The following ROCK2 variants were observed in gnomAD, a reference collection of about 807,000 sequenced individuals.
The protein encoded by ROCK2 is Rho associated coiled-coil containing protein kinase 2.
In ROCK2, 61 loss-of-function variants were observed where a neutral mutation model predicts 195.1. The observed-to-expected ratio is 0.31, with a 90% CI of 0.25 to 0.39. ROCK2 has a LOEUF of 0.39. Ranked by LOEUF, ROCK2 falls within the 10% of genes least tolerant of loss-of-function variation. The pLI, the probability that ROCK2 is intolerant of heterozygous loss-of-function variation, is 1.00. For missense variants in ROCK2, 1,109 were observed against 1,637.4 expected (o/e 0.68, Z 5.57); for synonymous variants, 504 against 545.5 (o/e 0.92, Z 1.06).
intron 23 of ROCK2, 107 bp from the exon 24 acceptor site, chr2:11,198,881 T>TTA: frequency 2.9e-5 from 18 of 631,344 alleles, no homozygotes; most frequent in Non-Finnish European, 4.5e-5. Context: ...CCTCTTATTT[T>TTA]TCTTTTTTTT....
At chr2:11,332,574 T>C (rs988903991) in intron 1 of ROCK2, among the ~76,000 whole-genome samples, 12 of 152,204 alleles carry the variant, frequency 7.9e-5, no homozygotes, top group African/African-American at 2.9e-4. Context: ...ATGGCTATAA[T>C]TACAATGACA....
At chr2:11,233,252 CTTAT>C (rs1037149562) in intron 5 of ROCK2, among the ~76,000 whole-genome samples, 10 of 152,034 alleles carry the variant, frequency 6.6e-5, no homozygotes, top group African/African-American at 2.4e-4. Context: ...TTTTACAAAT[CTTAT>C]TTATTTTTTT....
At chr2:11,271,810 A>G (rs1413209039) in intron 3 of ROCK2, among the ~76,000 whole-genome samples, 9 of 151,886 alleles carry the variant, frequency 5.9e-5, no homozygotes, top group East Asian at 1.9e-4. Flanking sequence ...GGCGGATCAC[A>G]AGGTCAGGAG....
In ROCK2 at chr2:11,214,437, A is replaced by C; in HGVS notation, c.1963T>G (p.Leu655Val). 6.2e-7 allele frequency: 1 copy of C among 1,609,360 alleles called. No individual in the cohort carries two copies. Among genetic ancestry groups the C allele is most frequent in the Non-Finnish European group, 8.5e-7 (1 of 1,176,364 alleles). Residue 655 changes from leucine to valine, a missense_variant, in exon 17 of 33, where the codon TTA (leucine) becomes GTA (valine). Transcript: ENST00000315872. Reference sequence around the variant, plus strand: ...GCTAGTAAGATTTTGCCGTTCTTTAAATCTTCTTCTAGGCCACATATTCTA... The same window carrying C: ...GCTAGTAAGATTTTGCCGTTCTTTACATCTTCTTCTAGGCCACATATTCTA... ...QGRICGLEED[L>V]KNGKILLAKV...
chr2:11,235,996 A>G lies in ROCK2; in HGVS notation c.463-34T>C, dbSNP rs747566978. 1 of 1,452,700 alleles carries G rather than the reference A, an allele frequency of 6.9e-7. No individual in the cohort carries two copies. The highest frequency in any genetic ancestry group is 9.1e-7 in the Non-Finnish European group (1 of 1,099,632). The allele number at this position is 1,452,700 out of a possible 1,614,324, so 90.0% of individuals were successfully genotyped here. On this transcript the variant is annotated intron_variant, in intron 4 of 32. Coordinates refer to ENST00000315872, the MANE Select transcript of ROCK2 (RefSeq NM_004850.5). This position sits in a 1 kb window ranked among gnomAD's most constrained non-coding sequence, Gnocchi z 4.2. ...CAAAAGGAAAAGGAAAAATTTTTAA[A>G]AACCCAAACCAAAAATCATAATCAG...
chr2:11,313,246 T>C (rs1668091448), intron 1 of ROCK2, among the ~76,000 whole-genome samples: 1 of 152,078 alleles, frequency 6.6e-6, no homozygotes, highest in Non-Finnish European at 1.5e-5. Context: ...GGGACCTCTG[T>C]ACCATCTGCT....
At chr2:11,319,909 G>T (rs1200374823) in intron 1 of ROCK2, among the ~76,000 whole-genome samples, 3 of 152,106 alleles carry the variant, frequency 2.0e-5, no homozygotes, top group African/African-American at 4.8e-5. Flanking sequence ...TGATTCAGCT[G>T]CAAGTGACAG....
At position 11,309,700 on chromosome 2, in the gene ROCK2, C is replaced by T. The variant is rs150418362; in HGVS notation, c.142-21964G>A. Among the ~76,000 whole-genome samples the T allele has an allele frequency of 3.0e-3, 452 of 152,290 alleles. 2 individuals carry two copies. Among genetic ancestry groups the T allele is most frequent in the African/African-American group, 9.6e-3 (397 of 41,564 alleles). On this transcript the variant is annotated intron_variant, in intron 1 of 32. Coordinates refer to ENST00000315872, the MANE Select transcript of ROCK2 (RefSeq NM_004850.5). Reference sequence around the variant, plus strand: ...CCAATCAATTACTGTATTACATCAGCTGGACTTGGTGGCTCATGTCCGTAA... The same window carrying T: ...CCAATCAATTACTGTATTACATCAGTTGGACTTGGTGGCTCATGTCCGTAA...
intron 3 of ROCK2, among the ~76,000 whole-genome samples, chr2:11,282,562 C>T (rs963952335): frequency 2.2e-5 from 3 of 134,470 alleles, no homozygotes; most frequent in African/African-American, 8.8e-5. Flanking sequence ...AGAGGCAATA[C>T]GATGGATTGA....
chr2:11,223,661 G>A (rs954390349), intron 7 of ROCK2, among the ~76,000 whole-genome samples: 1 of 152,122 alleles, frequency 6.6e-6, no homozygotes, highest in African/African-American at 2.4e-5. Flanking sequence ...AAGTTTGAAC[G>A]AGGGTGTGAG....
intron 4 of ROCK2, among the ~76,000 whole-genome samples, chr2:11,243,310 C>T (rs1011996572): frequency 3.9e-5 from 6 of 152,204 alleles, no homozygotes; most frequent in East Asian, 1.9e-4. Flanking sequence ...CAAATGTAAG[C>T]GCAATGGAAA....
chr2:11,303,819 C>G (rs1667776380), intron 1 of ROCK2, among the ~76,000 whole-genome samples: 1 of 152,134 alleles, frequency 6.6e-6, no homozygotes, highest in Non-Finnish European at 1.5e-5. Context: ...TATCAGTGAC[C>G]TACATGTTGC....
chr2:11,279,559 AAG>A, intron 3 of ROCK2, among the ~76,000 whole-genome samples: 1 of 152,358 alleles, frequency 6.6e-6, no homozygotes, highest in Non-Finnish European at 1.5e-5. Flanking sequence ...AGCAAGAAGA[AAG>A]AGATAAATTC....
At chr2:11,269,577 G>A (rs977231799) in intron 3 of ROCK2, among the ~76,000 whole-genome samples, 5 of 152,030 alleles carry the variant, frequency 3.3e-5, no homozygotes, top group African/African-American at 9.7e-5. Context: ...TTTCAAGGAC[G>A]GTTTCTTTTG....
At chr2:11,320,943 CT>C (rs900063152) in intron 1 of ROCK2, among the ~76,000 whole-genome samples, 8 of 152,128 alleles carry the variant, frequency 5.3e-5, no homozygotes, top group African/African-American at 1.9e-4. Flanking sequence ...GGTACTCCCC[CT>C]AGAGTCTTCA....
At chr2:11,212,459 G>A (rs1664283409) in intron 17 of ROCK2, among the ~76,000 whole-genome samples, 1 of 151,726 alleles carries the variant, frequency 6.6e-6, no homozygotes, top group Non-Finnish European at 1.5e-5. Context: ...TGAACTCACT[G>A]CCCCCCTTAA....
intron 3 of ROCK2, among the ~76,000 whole-genome samples, chr2:11,279,632 A>G (rs1201246395): frequency 6.6e-6 from 1 of 152,236 alleles, no homozygotes; most frequent in East Asian, 1.9e-4. Flanking sequence ...CAGCAGGCAG[A>G]AAACCAGTTA....
intron 1 of ROCK2, among the ~76,000 whole-genome samples, chr2:11,341,137 C>T (rs1437388986): frequency 1.3e-5 from 2 of 151,920 alleles, no homozygotes; most frequent in African/African-American, 4.8e-5. Context: ...AAGCGGCTCA[C>T]AATCTGCAAC....
intron 1 of ROCK2, among the ~76,000 whole-genome samples, chr2:11,330,285 G>T (rs1218582235): frequency 1.3e-5 from 2 of 152,096 alleles, no homozygotes; most frequent in African/African-American, 4.8e-5. Flanking sequence ...GGGCTTTAAA[G>T]ATACTTTTAT....
Sources: gnomAD v4.1 joint callset for allele counts (sites outside exome capture counted in the v4.1 genomes callset) on GRCh38, gnomAD v4.1.1 for gene constraint, Gnocchi (gnomAD v3.1) non-coding constraint, MANE v1.5 for transcripts, NCBI Gene and HGNC (gene_info 2026-07-23, HGNC 2026-07-21) for gene names.